LRP5: variants seen among roughly 807,000 people sequenced by gnomAD.
LRP5 encodes LDL receptor related protein 5, also known as low-density lipoprotein receptor-related protein 5.
Under a neutral mutation model 154.1 loss-of-function variants are expected in LRP5, and 62 were observed. The observed-to-expected ratio is 0.40, with a 90% CI of 0.33 to 0.50. The LOEUF is 0.50. Ranked by LOEUF, LRP5 falls within the 20% of genes least tolerant of loss-of-function variation. LRP5 has a pLI of 0.55. For synonymous variants in LRP5, 966 were observed against 1,011.5 expected (o/e 0.96, Z 0.85); for missense variants, 1,915 against 2,336.7 (o/e 0.82, Z 3.72).
chr11:68,438,554 G>C lies in LRP5; in HGVS notation c.4220G>C (p.Cys1407Ser), dbSNP rs2098676321. 4.3e-6 allele frequency: 7 copies of C among 1,614,054 alleles called. No individual in the cohort carries two copies. The stretch of plus-strand genomic sequence containing the variant: ...GTCATGGGTGGTGTCTATTTTGTGT[G>C]CCAGCGCGTGGTGTGCCAGCGCTAT... ...LFVMGGVYFV[C>S]QRVVCQRYAG... The change falls in exon 20 of 23, where the codon TGC (cysteine) becomes TCC (serine). Residue 1407 changes from cysteine to serine, a missense_variant. Cys to Ser is a moderately radical substitution (Grantham distance 112, BLOSUM62 -1). This residue lies in a region of LRP5 where 1,094 missense variants were observed against 1,210.1 expected (regional missense o/e 0.90). Transcript: ENST00000294304.
upstream of LRP5, among the ~76,000 whole-genome samples, chr11:68,310,092 T>A (rs1430980144): frequency 6.6e-6 from 1 of 152,106 alleles, no homozygotes; most frequent in Non-Finnish European, 1.5e-5. Context: ...TACGTAAACA[T>A]GTAATGAGTC....
intron 1 of LRP5, among the ~76,000 whole-genome samples, chr11:68,335,247 A>T (rs1255726040): frequency 2.0e-5 from 3 of 151,768 alleles, no homozygotes; most frequent in African/African-American, 7.3e-5. Flanking sequence ...TGTCTGATTT[A>T]AAAAAATATA....
intron 1 of LRP5, among the ~76,000 whole-genome samples, chr11:68,345,634 G>A (rs1431628830): frequency 6.6e-6 from 1 of 152,304 alleles, no homozygotes; most frequent in Non-Finnish European, 1.5e-5. Flanking sequence ...GATCCAAGGT[G>A]TATGCATATC....
intron 5 of LRP5, among the ~76,000 whole-genome samples, chr11:68,373,540 G>A (rs1565354587): frequency 6.6e-6 from 1 of 152,134 alleles, no homozygotes; most frequent in African/African-American, 2.4e-5. Flanking sequence ...TATCCCACGA[G>A]CCTCTGCCGC....
intron 5 of LRP5, among the ~76,000 whole-genome samples, chr11:68,377,630 G>A (rs1190923681): frequency 1.3e-5 from 2 of 152,250 alleles, no homozygotes; most frequent in Non-Finnish European, 2.9e-5. Context: ...CCGCCTGCCA[G>A]CTGGGAAGCC....
chr11:68,378,372 C>T (rs1208247236), intron 5 of LRP5, among the ~76,000 whole-genome samples: 1 of 152,060 alleles, frequency 6.6e-6, no homozygotes, highest in Non-Finnish European at 1.5e-5. Context: ...CCTCCCATCC[C>T]CTTTCATTCT....
Position 68,328,564 on chromosome 11 carries a change from C to T in LRP5, c.91+15759C>T, listed in dbSNP as rs1286993697. ...GGGGCTGGGACGTCCCACCTCCTCC[C>T]ACCTCGATGGAAACCACGAGTCTGT... On this transcript the variant is annotated intron_variant, in intron 1 of 22. Coordinates refer to ENST00000294304, the MANE Select transcript of LRP5 (RefSeq NM_002335.4). 2.6e-5 allele frequency among the ~76,000 whole-genome samples: 4 copies of T among 152,180 alleles called. No individual in the cohort carries two copies. The East Asian group carries it at 7.7e-4, about 29-fold the overall frequency.
chr11:68,368,702 G>A (rs761587918), intron 5 of LRP5, among the ~76,000 whole-genome samples: 9 of 152,012 alleles, frequency 5.9e-5, no homozygotes, highest in South Asian at 2.1e-4. Flanking sequence ...CCCTCCCTGC[G>A]TTTTTCCTGT....
chr11:68,398,613 C>T (rs2098650873), intron 7 of LRP5, among the ~76,000 whole-genome samples: 2 of 150,644 alleles, frequency 1.3e-5, no homozygotes, highest in Admixed American at 1.3e-4. Flanking sequence ...ACACCATGCT[C>T]AAGCTGAGTG....
chr11:68,302,472 C>T, the LRP5 span, among the ~76,000 whole-genome samples: 1 of 152,160 alleles, frequency 6.6e-6, no homozygotes, highest in African/African-American at 2.4e-5. Context: ...CCTGACTCCA[C>T]CAGCCCCAGA....
chr11:68,395,953 CA>C (rs1294101406), intron 7 of LRP5, among the ~76,000 whole-genome samples: 2 of 152,118 alleles, frequency 1.3e-5, no homozygotes, highest in Non-Finnish European at 2.9e-5. Flanking sequence ...GCACTTTGTT[CA>C]GGGGTGGATG....
chr11:68,378,049 TG>T (rs1192729215), intron 5 of LRP5, among the ~76,000 whole-genome samples: 2 of 152,140 alleles, frequency 1.3e-5, no homozygotes, highest in Admixed American at 1.3e-4. Context: ...GCAGGGAGGT[TG>T]TGACATCCAC....
rs765814871 is a variant in LRP5, at chr11:68,348,088, C to T, written c.333C>T (p.Asp111=). ...TCATCTCCGGCCTGGTCTCTCCCGA[C>T]GGCCTCGCCTGCGACTGGGTGGGCA... The part of the protein sequence containing the change: ...NVVISGLVSP[D]GLACDWVGKK... The change falls in exon 2 of 23, where the codon GAC becomes GAT. Residue 111 remains aspartate, a synonymous_variant. Coordinates refer to ENST00000294304, the MANE Select transcript of LRP5 (RefSeq NM_002335.4). The T allele has an allele frequency of 2.1e-5, 34 of 1,613,998 alleles. No homozygotes were observed. The highest frequency in any genetic ancestry group is 5.5e-5 in the South Asian group (5 of 91,096).
chr11:68,382,258 G>A (rs1460838153), intron 5 of LRP5, among the ~76,000 whole-genome samples: 1 of 152,198 alleles, frequency 6.6e-6, no homozygotes, highest in Non-Finnish European at 1.5e-5. Context: ...CCTCATGGTG[G>A]GACTAGAGGC....
At chr11:68,380,583 T>C (rs1193835027) in intron 5 of LRP5, among the ~76,000 whole-genome samples, 2 of 152,168 alleles carry the variant, frequency 1.3e-5, no homozygotes, top group Non-Finnish European at 2.9e-5. Context: ...CTGTTTGCTT[T>C]TGTGGTCGGG....
At chr11:68,398,469 G>C (rs1025821580) in intron 7 of LRP5, among the ~76,000 whole-genome samples, 48 of 152,170 alleles carry the variant, frequency 3.2e-4, no homozygotes, top group African/African-American at 1.2e-3. Context: ...GTGGCCTCTG[G>C]CTGGACCATC....
At chr11:68,399,227 T>C (rs944305690) in intron 7 of LRP5, among the ~76,000 whole-genome samples, 2 of 151,958 alleles carry the variant, frequency 1.3e-5, no homozygotes, top group African/African-American at 4.8e-5. Flanking sequence ...TAAAAAGTAT[T>C]GGGTGTGGTG....
At chr11:68,434,354 A>T (rs775059089) in intron 18 of LRP5, among the ~76,000 whole-genome samples, 15 of 2,596 alleles carry the variant, frequency 5.8e-3, no homozygotes, top group East Asian at 0.1. Context: ...GTTTTCTTTC[A>T]TTCATTCATT....
chr11:68,371,306 C>T (rs907327146), intron 5 of LRP5, among the ~76,000 whole-genome samples: 18 of 152,162 alleles, frequency 1.2e-4, no homozygotes, highest in African/African-American at 4.1e-4. Flanking sequence ...GGGCGAGAAA[C>T]GGCTTTGTCC....
Sources: allele counts gnomAD v4.1 joint callset (sites outside exome capture counted in the v4.1 genomes callset), GRCh38; gene constraint gnomAD v4.1.1; regional missense constraint gnomAD v4.1.1; transcripts MANE v1.5; gene names NCBI Gene and HGNC (gene_info 2026-07-23, HGNC 2026-07-21).